The following SLMAP variants were observed in gnomAD, a reference collection of about 807,000 sequenced individuals.
The protein encoded by SLMAP is sarcolemma associated protein, also known as sarcolemmal membrane-associated protein.
SLMAP carries 44 observed loss-of-function variants against 128.8 expected under a neutral mutation model. The ratio of observed to expected loss-of-function variants is 0.34; its 90% CI spans 0.27 to 0.44. The LOEUF (loss-of-function observed/expected upper bound fraction) is 0.44. Among genes scored for constraint, SLMAP ranks in the 20% least tolerant of loss-of-function variants. The pLI, the probability that SLMAP is intolerant of heterozygous loss-of-function variation, is 1.00. For missense variants in SLMAP, 787 were observed against 985.3 expected, an observed-to-expected ratio of 0.80 and a Z score of 2.69; for synonymous variants, 327 against 348.8, an observed-to-expected ratio of 0.94 and a Z score of 0.70.
intron 2 of SLMAP, among the ~76,000 whole-genome samples, chr3:57,782,298 T>C (rs1282894984): frequency 1.1e-4 from 17 of 152,322 alleles, no homozygotes; most frequent in Non-Finnish European, 1.3e-4. Context: ...TACTTTTTGC[T>C]CTTTTGGATA....
At chr3:57,885,972 C>CGGG (rs971344848) in intron 14 of SLMAP, among the ~76,000 whole-genome samples, 1 of 149,438 alleles carries the variant, frequency 6.7e-6, no homozygotes, top group Non-Finnish European at 1.5e-5. Context: ...TTAGTAGAGA[C>CGGG]GGGGTTTCAC....
At chr3:57,809,268 C>T (rs1006850878) in intron 2 of SLMAP, among the ~76,000 whole-genome samples, 2 of 152,222 alleles carry the variant, frequency 1.3e-5, no homozygotes, top group Admixed American at 6.5e-5. Context: ...CCCCTGCCCT[C>T]GCAGGCTTGG....
At chr3:57,912,837 G>C in intron 20 of SLMAP, 136 bp downstream of exon 20, 1 of 569,472 alleles carries the variant, frequency 1.8e-6, no homozygotes, top group Non-Finnish European at 2.9e-6. Context: ...TTAAATCGGA[G>C]CTAAAAATGT....
intron 6 of SLMAP, among the ~76,000 whole-genome samples, chr3:57,855,166 C>T (rs1029829996): frequency 6.6e-6 from 1 of 152,010 alleles, no homozygotes; most frequent in Non-Finnish European, 1.5e-5. Context: ...ACACTTGAGG[C>T]TAGGAGTTCG....
Position 57,848,213 on chromosome 3 carries a change from T to G in SLMAP, c.456+980T>G, listed in dbSNP as rs144447255. On this transcript the variant is annotated intron_variant, in intron 5 of 24. Coordinates refer to ENST00000671191, the MANE Select transcript of SLMAP (RefSeq NM_001377540.1). ...CCTCCTCCTCTTCTTTTCTTTCTTC[T>G]TTCCTCCTTTTCCTCCTTCTTGGTT... Among the ~76,000 whole-genome samples the G allele has an allele frequency of 3.2e-3, 479 of 150,892 alleles. 1 individual carries two copies. The highest frequency in any genetic ancestry group is 0.011 in the African/African-American group (441 of 41,078).
chr3:57,885,853 G>A (rs1349703285), intron 14 of SLMAP, among the ~76,000 whole-genome samples: 1 of 124,452 alleles, frequency 8.0e-6, no homozygotes, highest in Non-Finnish European at 1.6e-5. Context: ...GTGCGATCTT[G>A]GCTCACTGTA....
chr3:57,911,611 A>G (rs1259798995), intron 19 of SLMAP, among the ~76,000 whole-genome samples: 1 of 152,198 alleles, frequency 6.6e-6, no homozygotes, highest in Non-Finnish European at 1.5e-5. Context: ...TGTGTTAGAT[A>G]TTGGGGTATC....
chr3:57,809,805 A>G (rs753010509), intron 2 of SLMAP, among the ~76,000 whole-genome samples: 3 of 152,278 alleles, frequency 2.0e-5, no homozygotes, highest in Admixed American at 6.5e-5. Context: ...GAGAGGAGCT[A>G]TCCACTTCAG....
At chr3:57,889,972 T>TAA in intron 14 of SLMAP, 69 bp from the exon 15 acceptor site, 5 of 1,103,254 alleles carry the variant, frequency 4.5e-6, no homozygotes, top group Non-Finnish European at 7.0e-6. Flanking sequence ...TGGAATGTGT[T>TAA]ACACTGCCCA....
intron 15 of SLMAP, 191 bp downstream of exon 15, chr3:57,890,291 A>T (rs1360266128): frequency 4.1e-6 from 2 of 486,066 alleles, no homozygotes; most frequent in Admixed American, 3.6e-5. Flanking sequence ...CGTAACTGGA[A>T]TGTGTCTTTT....
At chr3:57,834,985 G>T (rs2093556312) in intron 3 of SLMAP, among the ~76,000 whole-genome samples, 1 of 151,530 alleles carries the variant, frequency 6.6e-6, no homozygotes, top group Non-Finnish European at 1.5e-5. Flanking sequence ...AGCTGGGCGT[G>T]GTGGCGCACG....
At position 57,829,483 on chromosome 3, in the gene SLMAP, ACT is replaced by A. The variant is rs544218672; in HGVS notation, c.199-1895_199-1894del. On this transcript the variant is annotated intron_variant, in intron 2 of 24. Coordinates refer to ENST00000671191, the MANE Select transcript of SLMAP (RefSeq NM_001377540.1). ...CAAGAATATATTTATTAAAAAAAAA[ACT>A]CTCTTATACAATGTAACATTAAGTT... 3.1e-3 allele frequency among the ~76,000 whole-genome samples: 469 copies of A among 152,096 alleles called. 3 individuals carry two copies. Among genetic ancestry groups the A allele is most frequent in the African/African-American group, 0.011 (436 of 41,504 alleles).
intron 6 of SLMAP, among the ~76,000 whole-genome samples, chr3:57,857,465 A>T (rs535460164): frequency 1.4e-3 from 213 of 152,370 alleles, no homozygotes; most frequent in African/African-American, 4.6e-3. Context: ...GTATACTGTT[A>T]TGTGAATAAA....
chr3:57,849,398 G>T (rs2094425634), intron 5 of SLMAP, among the ~76,000 whole-genome samples: 1 of 152,140 alleles, frequency 6.6e-6, no homozygotes, highest in African/African-American at 2.4e-5. Context: ...ACTGGACAAA[G>T]TGTTGTATTT....
chr3:57,902,581 T>G (rs923979240), intron 17 of SLMAP, among the ~76,000 whole-genome samples: 2 of 152,178 alleles, frequency 1.3e-5, no homozygotes, highest in African/African-American at 2.4e-5. Context: ...GAGTCTGAAC[T>G]AGGGTAATTA....
At chr3:57,838,625 T>A (rs1053297175) in intron 3 of SLMAP, among the ~76,000 whole-genome samples, 1 of 145,908 alleles carries the variant, frequency 6.9e-6, no homozygotes, top group Non-Finnish European at 1.5e-5. Flanking sequence ...TTTTAAGAAA[T>A]AGATATAGGA....
At chr3:57,917,800 C>G (rs1264412875) in intron 22 of SLMAP, 1 of 152,236 alleles carries the variant, frequency 6.6e-6, no homozygotes, top group African/African-American at 2.4e-5. Flanking sequence ...TGCATTGACT[C>G]CTGGCCAGCT....
At chr3:57,832,287 A>C (rs1394293599) in intron 3 of SLMAP, among the ~76,000 whole-genome samples, 2 of 152,196 alleles carry the variant, frequency 1.3e-5, no homozygotes, top group Non-Finnish European at 2.9e-5. Context: ...TTGTTACCCC[A>C]AACAAAATTA....
At chr3:57,887,055 A>G (rs1027347031) in intron 14 of SLMAP, among the ~76,000 whole-genome samples, 2 of 152,090 alleles carry the variant, frequency 1.3e-5, no homozygotes, top group Non-Finnish European at 2.9e-5. Flanking sequence ...GTTTTATGTT[A>G]TGTGAATTTC....
Sources: allele counts gnomAD v4.1 joint callset (sites outside exome capture counted in the v4.1 genomes callset), GRCh38; gene constraint gnomAD v4.1.1; transcripts MANE v1.5; gene names NCBI Gene and HGNC (gene_info 2026-07-23, HGNC 2026-07-21).